UNC5C: variants seen among roughly 807,000 people sequenced by gnomAD.
The protein encoded by UNC5C is unc-5 netrin receptor C.
UNC5C carries 47 observed loss-of-function variants against 99.8 expected under a neutral mutation model. The observed-to-expected ratio is 0.47, with a 90% CI of 0.37 to 0.60. The LOEUF (loss-of-function observed/expected upper bound fraction) is 0.60. Among genes scored for constraint, UNC5C ranks in the 20% least tolerant of loss-of-function variants. The pLI is 0.00. For synonymous variants in UNC5C, 487 were observed against 452.2 expected, an observed-to-expected ratio of 1.08 and a Z score of -0.98; for missense variants, 1,062 against 1,165.9, an observed-to-expected ratio of 0.91 and a Z score of 1.30.
chr4:95,224,846 G>A (rs1039545454), intron 7 of UNC5C, among the ~76,000 whole-genome samples: 4 of 128,272 alleles, frequency 3.1e-5, no homozygotes, highest in Non-Finnish European at 6.5e-5. Flanking sequence ...AGGGAATTAA[G>A]GAAGAATTTT....
At chr4:95,384,793 G>C (rs372132393) in intron 1 of UNC5C, among the ~76,000 whole-genome samples, 1 of 151,860 alleles carries the variant, frequency 6.6e-6, no homozygotes, top group African/African-American at 2.4e-5. Context: ...GAGACCAGGA[G>C]AGCCTCTACC....
At chr4:95,195,299 G>A (rs922101980) in intron 12 of UNC5C, among the ~76,000 whole-genome samples, 4 of 152,162 alleles carry the variant, frequency 2.6e-5, no homozygotes, top group Non-Finnish European at 5.9e-5. Flanking sequence ...AGCCTGACTC[G>A]AGCTTTGCTG....
intron 2 of UNC5C, among the ~76,000 whole-genome samples, chr4:95,325,508 A>T (rs1742851026): frequency 6.6e-6 from 1 of 152,116 alleles, no homozygotes; most frequent in East Asian, 1.9e-4. Context: ...CTGAGATTTT[A>T]ATTTTTGGTG....
At chr4:95,363,828 A>G (rs1744469870) in intron 1 of UNC5C, among the ~76,000 whole-genome samples, 1 of 152,076 alleles carries the variant, frequency 6.6e-6, no homozygotes, top group African/African-American at 2.4e-5. Context: ...AGACCTAATC[A>G]CCTCTTTCCT....
chr4:95,482,538 T>G lies in UNC5C; in HGVS notation c.124+66196A>C, dbSNP rs1295310709. ...ATACCCAAAGGACTATAAATCATGC[T>G]GCTATAAAGACACATGCACACGTAT... On this transcript the variant is annotated intron_variant, in intron 1 of 15. Coordinates refer to ENST00000453304, the MANE Select transcript of UNC5C (RefSeq NM_003728.4). 3.3e-5 allele frequency among the ~76,000 whole-genome samples: 5 copies of G among 149,524 alleles called. No homozygotes were observed. In the East Asian group the frequency reaches 9.8e-4, roughly 29 times the overall value.
chr4:95,481,230 G>A (rs1721144039), intron 1 of UNC5C, among the ~76,000 whole-genome samples: 2 of 152,114 alleles, frequency 1.3e-5, no homozygotes. Flanking sequence ...CAAACAGAGA[G>A]CCAAATCATG....
intron 10 of UNC5C, among the ~76,000 whole-genome samples, chr4:95,213,069 C>T (rs754047311): frequency 6.6e-5 from 10 of 152,214 alleles, no homozygotes; most frequent in Non-Finnish European, 1.3e-4. Flanking sequence ...GCTATTCCTG[C>T]GTCACTCAGC....
At chr4:95,398,286 C>G (rs908371763) in intron 1 of UNC5C, among the ~76,000 whole-genome samples, 1 of 152,024 alleles carries the variant, frequency 6.6e-6, no homozygotes, top group African/African-American at 2.4e-5. Flanking sequence ...ATTGAGTCTA[C>G]TTTTCATTTT....
In UNC5C at chr4:95,244,996, G is replaced by C; in HGVS notation, c.924C>G (p.Ala308=). 1 of 1,613,910 alleles carries C rather than the reference G, an allele frequency of 6.2e-7. No homozygotes were observed. ...ATTTACCTGGGCATAACGTAGTACA[G>C]GCTATTTTCTGCACACTCTGCCCTT... ...FCEGQSVQKI[A]CTTLCPVDGR... is the part of the protein sequence containing the mutation. The change falls in exon 6 of 16, where the codon GCC becomes GCG. Residue 308 remains alanine (A), a synonymous_variant. Coordinates refer to ENST00000453304, the MANE Select transcript of UNC5C (RefSeq NM_003728.4).
chr4:95,350,581 A>T (rs1009612623), intron 1 of UNC5C, among the ~76,000 whole-genome samples: 13 of 152,280 alleles, frequency 8.5e-5, no homozygotes, highest in Admixed American at 4.6e-4. Context: ...TTTGAAGAAC[A>T]AAAAAAGATT....
At chr4:95,533,289 C>G (rs1336101896) in intron 1 of UNC5C, among the ~76,000 whole-genome samples, 1 of 151,820 alleles carries the variant, frequency 6.6e-6, no homozygotes, top group East Asian at 1.9e-4. Context: ...ATGCCAGCGA[C>G]TTGGGAGGCC....
chr4:95,450,919 C>T (rs1231696894), intron 1 of UNC5C, among the ~76,000 whole-genome samples: 1 of 152,002 alleles, frequency 6.6e-6, no homozygotes, highest in African/African-American at 2.4e-5. Context: ...ATAAGCATGC[C>T]CCAAAAGACT....
At chr4:95,431,967 T>C (rs1746648452) in intron 1 of UNC5C, among the ~76,000 whole-genome samples, 1 of 152,022 alleles carries the variant, frequency 6.6e-6, no homozygotes, top group Non-Finnish European at 1.5e-5. Flanking sequence ...CAAGTAATAA[T>C]GATCTCAAGC....
At position 95,169,275 on chromosome 4, in the gene UNC5C, GTCTTCCCATT is replaced by G; in HGVS notation, c.2745_2754del (p.Glu915AspfsTer8). On this transcript the variant is annotated frameshift_variant, in exon 16 of 16. Coordinates refer to ENST00000453304, the MANE Select transcript of UNC5C (RefSeq NM_003728.4). LOFTEE classifies it high-confidence loss of function. ...GCTGCTAAGGACACCACCGTTTCATGTCTTCCCATTTCTTCCAAGACAGCTGCCAGCATGC... is the reference window on the plus strand; with the variant it reads ...GCTGCTAAGGACACCACCGTTTCATGTCTTCCAAGACAGCTGCCAGCATGC... 1 of 1,614,110 alleles carries G rather than the reference GTCTTCCCATT, an allele frequency of 6.2e-7. No individual in the cohort carries two copies. Among genetic ancestry groups the G allele is most frequent in the Non-Finnish European group, 8.5e-7 (1 of 1,180,040 alleles).
chr4:95,242,627 G>A (rs1739368408), intron 6 of UNC5C, 34 bp from the exon 7 acceptor site: 1 of 1,511,480 alleles, frequency 6.6e-7, no homozygotes, highest in Non-Finnish European at 8.9e-7. Flanking sequence ...GAGGTCAGAG[G>A]GAGAGGCAGC....
At chr4:95,481,919 T>C (rs1721168484) in intron 1 of UNC5C, among the ~76,000 whole-genome samples, 1 of 151,996 alleles carries the variant, frequency 6.6e-6, no homozygotes, top group South Asian at 2.1e-4. Flanking sequence ...GAAGAAAACC[T>C]AGGCATTACC....
intron 1 of UNC5C, among the ~76,000 whole-genome samples, chr4:95,438,720 C>T (rs535493150): frequency 1.6e-4 from 24 of 152,220 alleles, no homozygotes; most frequent in African/African-American, 5.1e-4. Context: ...TGATTATTTC[C>T]ATTCTGCATC....
intron 10 of UNC5C, among the ~76,000 whole-genome samples, chr4:95,208,461 T>A (rs1579232508): frequency 6.6e-6 from 1 of 152,346 alleles, no homozygotes; most frequent in East Asian, 1.9e-4. Context: ...AGCTTTTCAT[T>A]TGAACTTAAT....
chr4:95,172,976 C>G (rs1251778703), intron 14 of UNC5C, among the ~76,000 whole-genome samples: 1 of 152,006 alleles, frequency 6.6e-6, no homozygotes, highest in African/African-American at 2.4e-5. Flanking sequence ...AGTTGGATTC[C>G]TAAGTATTTT....
Sources: allele counts gnomAD v4.1 joint callset (sites outside exome capture counted in the v4.1 genomes callset), GRCh38; gene constraint gnomAD v4.1.1; transcripts MANE v1.5; gene names NCBI Gene and HGNC (gene_info 2026-07-23, HGNC 2026-07-21).